Variants in DNAH7 observed in about 807,000 individuals in gnomAD.
DNAH7 encodes dynein axonemal heavy chain 7.
DNAH7 carries 397 observed loss-of-function variants against 444.6 expected under a neutral mutation model. The ratio of observed to expected loss-of-function variants is 0.89; its 90% CI spans 0.82 to 0.97. The LOEUF (loss-of-function observed/expected upper bound fraction) is 0.97. DNAH7 is among the 50% of genes least tolerant of loss of function. The pLI, the probability that DNAH7 is intolerant of heterozygous loss-of-function variation, is 0.00. For missense variants in DNAH7, 4,902 were observed against 4,800.8 expected, an observed-to-expected ratio of 1.02 and a Z score of -0.62; for synonymous variants, 1,636 against 1,624.4, an observed-to-expected ratio of 1.01 and a Z score of -0.17.
At chr2:195,838,340 G>A (rs965500382) in intron 47 of DNAH7, among the ~76,000 whole-genome samples, 2 of 151,592 alleles carry the variant, frequency 1.3e-5, no homozygotes, top group Non-Finnish European at 2.9e-5. Context: ...ATAAGGATGT[G>A]ATTAATTCTC....
rs948870634 is a variant in DNAH7, at chr2:196,025,647, T to G, written c.667+1113A>C. Among the ~76,000 whole-genome samples the G allele has an allele frequency of 3.3e-5, 5 of 152,234 alleles. No homozygotes were observed. The South Asian group carries it at 8.3e-4, about 25-fold the overall frequency. Reference sequence around the variant, plus strand: ...CCTTCCTAACAAGTTAGAGATGACCTCTTCTCCCTTACAGTGTATCTTCTG... The same window carrying G: ...CCTTCCTAACAAGTTAGAGATGACCGCTTCTCCCTTACAGTGTATCTTCTG... On this transcript the variant is annotated intron_variant, in intron 7 of 64. Transcript: ENST00000312428.
chr2:195,922,272 T>C, intron 23 of DNAH7, 75 bp from the exon 24 acceptor site: 1 of 831,872 alleles, frequency 1.2e-6, no homozygotes, highest in Non-Finnish European at 2.0e-6. Flanking sequence ...CTTTAATAAG[T>C]AATAACCATA....
At chr2:195,842,686 C>T (rs971224139) in intron 47 of DNAH7, among the ~76,000 whole-genome samples, 2 of 152,092 alleles carry the variant, frequency 1.3e-5, no homozygotes, top group Non-Finnish European at 2.9e-5. Flanking sequence ...GGGGTTATGA[C>T]TCATTAACAT....
chr2:195,985,318 G>T (rs1203771811), intron 14 of DNAH7, among the ~76,000 whole-genome samples: 3 of 152,160 alleles, frequency 2.0e-5, no homozygotes, highest in South Asian at 4.1e-4. Context: ...TGGGGATAAT[G>T]GGTTAAAGTC....
chr2:195,999,017 G>A, intron 12 of DNAH7: 1 of 683,602 alleles, frequency 1.5e-6, no homozygotes. Flanking sequence ...TTGCTTTAAT[G>A]AGTTTCCGGC....
chr2:195,934,900 C>T (rs1688947715), intron 20 of DNAH7, 111 bp from the exon 21 acceptor site: 6 of 1,232,016 alleles, frequency 4.9e-6, no homozygotes, highest in East Asian at 2.5e-5. Flanking sequence ...GAATGAAATG[C>T]TGTGCAAAAA....
chr2:195,743,135 C>A (rs1693146526), intron 63 of DNAH7, among the ~76,000 whole-genome samples: 1 of 152,222 alleles, frequency 6.6e-6, no homozygotes, highest in African/African-American at 2.4e-5. Context: ...CCTCCAAGTT[C>A]TTTGGCTTTT....
intron 15 of DNAH7, among the ~76,000 whole-genome samples, chr2:195,975,712 G>A (rs1257734758): frequency 6.6e-6 from 1 of 152,134 alleles, no homozygotes; most frequent in East Asian, 1.9e-4. Context: ...TTGCAACTTG[G>A]ATACCAGCTC....
intron 46 of DNAH7, among the ~76,000 whole-genome samples, chr2:195,846,584 T>C (rs1384322196): frequency 6.6e-6 from 1 of 152,114 alleles, no homozygotes; most frequent in Non-Finnish European, 1.5e-5. Context: ...GTCAACTTGA[T>C]TGGATTGAAG....
At chr2:195,939,821 T>C (rs983916090) in intron 19 of DNAH7, among the ~76,000 whole-genome samples, 2 of 152,080 alleles carry the variant, frequency 1.3e-5, no homozygotes, top group African/African-American at 4.8e-5. Context: ...TTTCTGCTAC[T>C]AGGAAGTTTC....
intron 36 of DNAH7, among the ~76,000 whole-genome samples, chr2:195,878,842 G>C (rs1006585564): frequency 1.3e-5 from 2 of 152,108 alleles, no homozygotes; most frequent in African/African-American, 4.8e-5. Context: ...TGTCTTACCA[G>C]AAGATGGTGA....
chr2:196,037,440 A>G (rs1337736042), intron 5 of DNAH7, among the ~76,000 whole-genome samples: 1 of 152,222 alleles, frequency 6.6e-6, no homozygotes, highest in Non-Finnish European at 1.5e-5. Flanking sequence ...AAAGGAATTA[A>G]AAATAATGAT....
intron 19 of DNAH7, among the ~76,000 whole-genome samples, chr2:195,950,881 C>T (rs1455518335): frequency 1.2e-5 from 1 of 80,716 alleles, no homozygotes; most frequent in African/African-American, 4.0e-5. Flanking sequence ...AAAAAAAAAC[C>T]CAGCTCCTGG....
intron 5 of DNAH7, among the ~76,000 whole-genome samples, chr2:196,036,134 C>T (rs1380203030): frequency 1.3e-5 from 2 of 151,124 alleles, no homozygotes; most frequent in East Asian, 2.0e-4. Flanking sequence ...TGAGTTCAAG[C>T]GATTCCCCTG....
At chr2:195,837,976 A>G (rs183485711) in intron 47 of DNAH7, among the ~76,000 whole-genome samples, 13 of 152,288 alleles carry the variant, frequency 8.5e-5, no homozygotes, top group African/African-American at 3.1e-4. Context: ...TGGGATATGG[A>G]AAGTGGGGCA....
intron 40 of DNAH7, among the ~76,000 whole-genome samples, chr2:195,871,397 C>G (rs1377728428): frequency 6.6e-6 from 1 of 152,188 alleles, no homozygotes; most frequent in African/African-American, 2.4e-5. Context: ...CTCCTAACTT[C>G]AAGCAATTCT....
chr2:195,875,680 G>A lies in DNAH7; in HGVS notation c.6281C>T (p.Pro2094Leu), dbSNP rs1317060268. 1.9e-6 allele frequency: 3 copies of A among 1,564,204 alleles called. No homozygotes were observed. Among genetic ancestry groups the A allele is most frequent in the East Asian group, 2.3e-5 (1 of 44,154 alleles). The change falls in exon 38 of 65, where the codon CCT becomes CTT. Residue 2094 changes from proline to leucine, a missense_variant. By Grantham distance (98) the Pro-to-Leu change is moderately conservative. Coordinates refer to ENST00000312428, the MANE Select transcript of DNAH7 (RefSeq NM_018897.3). The part of the protein sequence containing the change: ...VDIQIMCAMG[P>L]PGGGRNPVTP... The stretch of plus-strand genomic sequence containing the variant: ...CACAAACTCAAAAAATGTACCTGGA[G>A]GTCCCATAGCACACATGATCTGAAT...
At chr2:196,014,134 A>G (rs185780494) in intron 9 of DNAH7, among the ~76,000 whole-genome samples, 29 of 152,350 alleles carry the variant, frequency 1.9e-4, no homozygotes, top group Admixed American at 4.6e-4. Context: ...TGAATTGTTA[A>G]GAAAACAGGA....
At chr2:196,053,358 A>G (rs1390004098) in intron 2 of DNAH7, among the ~76,000 whole-genome samples, 1 of 152,258 alleles carries the variant, frequency 6.6e-6, no homozygotes, top group Non-Finnish European at 1.5e-5. Context: ...TTTGCGGAAG[A>G]CAGTCTCAGT....
Sources: allele counts gnomAD v4.1 joint callset (sites outside exome capture counted in the v4.1 genomes callset), GRCh38; gene constraint gnomAD v4.1.1; transcripts MANE v1.5; gene names NCBI Gene and HGNC (gene_info 2026-07-23, HGNC 2026-07-21).